TBC1D5: variants seen among roughly 807,000 people sequenced by gnomAD.
TBC1D5 encodes the protein TBC1 domain family member 5, also known as TBC1 domain family, member 5.
Under a neutral mutation model 100.3 loss-of-function variants are expected in TBC1D5, and 75 were observed. That is an observed-to-expected ratio of 0.75 (90% CI 0.62 to 0.91). The LOEUF is 0.91. Among genes scored for constraint, TBC1D5 ranks in the 40% least tolerant of loss-of-function variants. The pLI, the probability that TBC1D5 is intolerant of heterozygous loss-of-function variation, is 0.00. For missense variants in TBC1D5, 910 were observed against 942.4 expected (o/e 0.97, Z 0.45); for synonymous variants, 323 against 325.6 (o/e 0.99, Z 0.09).
At chr3:17,612,145 A>T (rs563620206) in intron 2 of TBC1D5, among the ~76,000 whole-genome samples, 82 of 151,510 alleles carry the variant, frequency 5.4e-4, no homozygotes, top group Middle Eastern at 3.4e-3. Context: ...ACAAAAAATA[A>T]AAAAATTAGC....
chr3:17,638,955 A>G (rs536327271), intron 1 of TBC1D5, among the ~76,000 whole-genome samples: 9 of 152,300 alleles, frequency 5.9e-5, no homozygotes, highest in Admixed American at 3.9e-4. Flanking sequence ...AACAGCTGGG[A>G]AGTTTCTTAA....
At chr3:17,312,718 A>T (rs1244592367) in intron 13 of TBC1D5, among the ~76,000 whole-genome samples, 1 of 152,206 alleles carries the variant, frequency 6.6e-6, no homozygotes, top group Non-Finnish European at 1.5e-5. Flanking sequence ...GTTCCTAATA[A>T]TTACCACCCA....
intron 2 of TBC1D5, among the ~76,000 whole-genome samples, chr3:17,526,770 T>C (rs2096141711): frequency 1.3e-5 from 2 of 152,308 alleles, no homozygotes; most frequent in South Asian, 4.1e-4. Context: ...AGTGAATATA[T>C]TTACACAGTA....
chr3:17,670,313 C>T (rs1002625889), intron 1 of TBC1D5, among the ~76,000 whole-genome samples: 21 of 152,206 alleles, frequency 1.4e-4, no homozygotes, highest in South Asian at 6.2e-4. Context: ...TTGACAGAAA[C>T]CAAAGAGCTG....
chr3:17,617,453 T>C (rs1468835958), intron 2 of TBC1D5, among the ~76,000 whole-genome samples: 3 of 152,238 alleles, frequency 2.0e-5, no homozygotes, highest in Non-Finnish European at 2.9e-5. Context: ...CCTTGCTAGG[T>C]TGGGGAAGTT....
At chr3:17,403,189 G>C (rs1324939252) in exon 8 of TBC1D5, 4 of 1,585,766 alleles carry the variant, frequency 2.5e-6, no homozygotes, top group East Asian at 4.5e-5. Flanking sequence ...ACGTTCTTTT[G>C]ACATCTTGTT....
At chr3:17,367,960 CATAAT>C (rs770597411) in intron 13 of TBC1D5, among the ~76,000 whole-genome samples, 1 of 136,686 alleles carries the variant, frequency 7.3e-6, no homozygotes, top group African/African-American at 2.7e-5. Flanking sequence ...TAATGAAAAA[CATAAT>C]ATAAATTACC....
chr3:17,296,824 A>G (rs2082301808), intron 14 of TBC1D5, among the ~76,000 whole-genome samples: 1 of 152,234 alleles, frequency 6.6e-6, no homozygotes, highest in Non-Finnish European at 1.5e-5. Flanking sequence ...TTATTATTCT[A>G]GCAGATTTTG....
intron 13 of TBC1D5, among the ~76,000 whole-genome samples, chr3:17,352,875 C>T (rs1281855117): frequency 6.6e-6 from 1 of 151,948 alleles, no homozygotes; most frequent in Non-Finnish European, 1.5e-5. Flanking sequence ...GAGCTAATAC[C>T]ACTCAAGTCC....
At chr3:17,504,341 C>T (rs1009115148) in intron 3 of TBC1D5, among the ~76,000 whole-genome samples, 5 of 147,828 alleles carry the variant, frequency 3.4e-5, no homozygotes, top group South Asian at 2.2e-4. Flanking sequence ...TGCTAGATGA[C>T]GAGTTAGTGG....
intron 1 of TBC1D5, among the ~76,000 whole-genome samples, chr3:17,629,292 A>T (rs878871925): frequency 6.6e-6 from 1 of 152,216 alleles, no homozygotes; most frequent in Non-Finnish European, 1.5e-5. Context: ...TAAAATACAT[A>T]ATTGTTGTCT....
intron 2 of TBC1D5, among the ~76,000 whole-genome samples, chr3:17,519,548 T>C (rs957896745): frequency 1.3e-5 from 2 of 152,214 alleles, no homozygotes; most frequent in Admixed American, 6.5e-5. Flanking sequence ...AACCATTCTT[T>C]AGTATAATGG....
At chr3:17,722,868 C>A (rs1293461620) in intron 1 of TBC1D5, among the ~76,000 whole-genome samples, 1 of 152,182 alleles carries the variant, frequency 6.6e-6, no homozygotes, top group African/African-American at 2.4e-5. Flanking sequence ...ATGAAAAACA[C>A]ATCTCCCACT....
At chr3:17,611,379 G>C (rs2061657665) in intron 2 of TBC1D5, among the ~76,000 whole-genome samples, 1 of 152,090 alleles carries the variant, frequency 6.6e-6, no homozygotes, top group African/African-American at 2.4e-5. Flanking sequence ...AACAAATAGA[G>C]TTTAAAAGAA....
chr3:17,677,944 C>T (rs1200026336), intron 1 of TBC1D5, among the ~76,000 whole-genome samples: 1 of 151,990 alleles, frequency 6.6e-6, no homozygotes, highest in Non-Finnish European at 1.5e-5. Context: ...GGGAATTGAA[C>T]AATGAGAACA....
intron 18 of TBC1D5, among the ~76,000 whole-genome samples, chr3:17,203,080 G>A (rs1235532329): frequency 6.6e-6 from 1 of 152,222 alleles, no homozygotes; most frequent in East Asian, 1.9e-4. Context: ...GCCAGCTTGT[G>A]AAAGCAGCTG....
chr3:17,287,011 T>A (rs1447832515), intron 15 of TBC1D5, among the ~76,000 whole-genome samples: 1 of 152,236 alleles, frequency 6.6e-6, no homozygotes, highest in Non-Finnish European at 1.5e-5. Context: ...TTCCATAATA[T>A]ATGACAGTAG....
intron 8 of TBC1D5, among the ~76,000 whole-genome samples, chr3:17,393,371 T>C (rs2093413294): frequency 6.6e-6 from 1 of 152,108 alleles, no homozygotes; most frequent in South Asian, 2.1e-4. Context: ...ATAGAAAGAA[T>C]CAATATCATG....
intron 17 of TBC1D5, among the ~76,000 whole-genome samples, chr3:17,221,606 G>T (rs2074299047): frequency 6.6e-6 from 1 of 152,132 alleles, no homozygotes; most frequent in African/African-American, 2.4e-5. Flanking sequence ...TAAGGATGGA[G>T]AAATGGGGCC....
Sources: gnomAD v4.1 joint callset for allele counts (sites outside exome capture counted in the v4.1 genomes callset) on GRCh38, gnomAD v4.1.1 for gene constraint, MANE v1.5 for transcripts, NCBI Gene and HGNC (gene_info 2026-07-23, HGNC 2026-07-21) for gene names.